LRBA: variants seen among roughly 807,000 people sequenced by gnomAD.
LRBA encodes the protein LPS responsive beige-like anchor protein.
Under a neutral mutation model 330.0 loss-of-function variants are expected in LRBA, and 176 were observed. That is an observed-to-expected ratio of 0.53 (90% CI 0.47 to 0.60). LRBA has a LOEUF of 0.60. Among genes scored for constraint, LRBA ranks in the 20% least tolerant of loss-of-function variants. The pLI is 0.00. For synonymous variants in LRBA, 1,230 were observed against 1,193.0 expected, an observed-to-expected ratio of 1.03 and a Z score of -0.64; for missense variants, 3,259 against 3,444.8, an observed-to-expected ratio of 0.95 and a Z score of 1.35.
intron 40 of LRBA, among the ~76,000 whole-genome samples, chr4:150,520,333 T>C (rs779134728): frequency 1.4e-4 from 22 of 152,184 alleles, no homozygotes; most frequent in Non-Finnish European, 2.5e-4. Context: ...GACATCTTTA[T>C]AATACTGAGT....
chr4:150,653,908 A>G (rs1197916221), intron 37 of LRBA, among the ~76,000 whole-genome samples: 1 of 152,146 alleles, frequency 6.6e-6, no homozygotes, highest in African/African-American at 2.4e-5. Flanking sequence ...TGGGAAAATT[A>G]TTAGAATTAA....
intron 48 of LRBA, among the ~76,000 whole-genome samples, chr4:150,328,489 C>T (rs1045440637): frequency 2.0e-5 from 3 of 151,928 alleles, no homozygotes; most frequent in Non-Finnish European, 2.9e-5. Flanking sequence ...TCACATGAAA[C>T]CTCAATACAT....
At position 150,588,066 on chromosome 4, in the gene LRBA, G is replaced by A; in HGVS notation, c.6312C>T (p.Phe2104=). The change falls in exon 40 of 57, where the codon TTC becomes TTT. Residue 2104 remains phenylalanine, a synonymous_variant. Coordinates refer to ENST00000651943, the MANE Select transcript of LRBA (RefSeq NM_001364905.1). Reference sequence around the variant, plus strand: ...TTCTCACCTTGGGGTCGATTTTTTTGAAGTTAGGATCCTCTTCATCCACCT... The same window carrying A: ...TTCTCACCTTGGGGTCGATTTTTTTAAAGTTAGGATCCTCTTCATCCACCT... ...YFEVDEEDPN[F]KKIDPKILAY... is the part of the protein sequence containing the mutation. The A allele has an allele frequency of 1.3e-6, 2 of 1,573,350 alleles. No homozygotes were observed. Among genetic ancestry groups the A allele is most frequent in the Non-Finnish European group, 1.7e-6 (2 of 1,156,284 alleles).
In LRBA at chr4:150,726,279, G is replaced by A. The variant is rs72738312; in HGVS notation, c.5754+8979C>T. Reference sequence around the variant, plus strand: ...CACTTCACCTATAAAGTTACACATAGACTGAAGATAAAGAGACGAAAACAG... The same window carrying A: ...CACTTCACCTATAAAGTTACACATAAACTGAAGATAAAGAGACGAAAACAG... On this transcript the variant is annotated intron_variant, in intron 36 of 56. Transcript: ENST00000651943. Among the ~76,000 whole-genome samples, 242 of 152,266 alleles carry A rather than the reference G, an allele frequency of 1.6e-3. 1 individual carries two copies. The highest frequency in any genetic ancestry group is 3.5e-3 in the Admixed American group (54 of 15,304).
chr4:150,852,487 C>T lies in LRBA; in HGVS notation c.3223G>A (p.Val1075Ile), dbSNP rs1487009342. The T allele has an allele frequency of 6.2e-7, 1 of 1,613,698 alleles. No homozygotes were observed. Among genetic ancestry groups the T allele is most frequent in the African/African-American group, 1.3e-5 (1 of 75,052 alleles). Residue 1075 changes from valine to isoleucine, a missense_variant, in exon 23 of 57, where the codon GTC (valine) becomes ATC (isoleucine). By Grantham distance (29) the Val-to-Ile change is conservative. Coordinates refer to ENST00000651943, the MANE Select transcript of LRBA (RefSeq NM_001364905.1). ...FITTGKDSMT[V>I]SEVTASISSP... is the part of the protein sequence containing the mutation. ...CTTATAGAAGCAGTTACTTCACTGA[C>T]AGTCATTGAATCTTTGCCAGTTGTT...
intron 40 of LRBA, among the ~76,000 whole-genome samples, chr4:150,523,511 A>G (rs529107652): frequency 6.6e-6 from 1 of 152,234 alleles, no homozygotes; most frequent in South Asian, 2.1e-4. Flanking sequence ...TCTGTTCTTC[A>G]TAAGTTACCC....
intron 2 of LRBA, among the ~76,000 whole-genome samples, chr4:150,990,196 G>A (rs899673217): frequency 2.6e-5 from 4 of 152,032 alleles, no homozygotes; most frequent in African/African-American, 7.2e-5. Context: ...TTGTGTGTGT[G>A]TATATATTTA....
Position 150,648,283 on chromosome 4 carries a change from G to A in LRBA, c.5921+35268C>T, listed in dbSNP as rs1779395003. Among the ~76,000 whole-genome samples, 3 of 151,526 alleles carry A rather than the reference G, an allele frequency of 2.0e-5. No homozygotes were observed. The South Asian group carries it at 6.3e-4, about 32-fold the overall frequency. ...AAATAAACAAAAATTGTAATACAGT[G>A]GTTTTGACAAAGAAGAGCTCACAAG... On this transcript the variant is annotated intron_variant, in intron 37 of 56. Coordinates refer to ENST00000651943, the MANE Select transcript of LRBA (RefSeq NM_001364905.1).
chr4:150,431,190 G>T (rs1474158228), intron 46 of LRBA, among the ~76,000 whole-genome samples: 1 of 152,134 alleles, frequency 6.6e-6, no homozygotes, highest in Non-Finnish European at 1.5e-5. Flanking sequence ...GAATTTTAAA[G>T]ATTTAAAACA....
intron 2 of LRBA, among the ~76,000 whole-genome samples, chr4:150,966,562 G>A (rs1171032608): frequency 6.8e-6 from 1 of 147,206 alleles, no homozygotes; most frequent in Admixed American, 7.0e-5. Flanking sequence ...TCCCAACCTC[G>A]TGATCCGCCC....
chr4:150,996,675 T>C (rs572650912), intron 2 of LRBA, among the ~76,000 whole-genome samples: 18 of 152,368 alleles, frequency 1.2e-4, no homozygotes, highest in African/African-American at 4.1e-4. Context: ...ACAATGTTTC[T>C]AATTATCATA....
At chr4:150,823,895 G>A (rs375212302) in intron 30 of LRBA, among the ~76,000 whole-genome samples, 1 of 151,856 alleles carries the variant, frequency 6.6e-6, no homozygotes. Context: ...TCTTTGCTCA[G>A]GATAGCTTTG....
intron 54 of LRBA, among the ~76,000 whole-genome samples, chr4:150,283,477 C>T (rs967264773): frequency 1.8e-4 from 28 of 152,266 alleles, no homozygotes; most frequent in Non-Finnish European, 2.5e-4. Flanking sequence ...AGTCAGATAA[C>T]GGGGGTCACT....
At chr4:150,472,797 T>G (rs535177430) in intron 42 of LRBA, among the ~76,000 whole-genome samples, 11 of 152,274 alleles carry the variant, frequency 7.2e-5, no homozygotes, top group African/African-American at 2.4e-4. Context: ...CTTTGAGGTT[T>G]ATCAATATGG....
chr4:150,887,507 C>T (rs1475917999), intron 17 of LRBA, among the ~76,000 whole-genome samples: 1 of 152,058 alleles, frequency 6.6e-6, no homozygotes, highest in Non-Finnish European at 1.5e-5. Context: ...GGTGTGGTGG[C>T]TCACGTCTGT....
intron 37 of LRBA, among the ~76,000 whole-genome samples, chr4:150,654,649 C>T (rs891013929): frequency 3.3e-5 from 5 of 152,098 alleles, no homozygotes; most frequent in African/African-American, 1.2e-4. Flanking sequence ...CCTATTAACT[C>T]GTCATTTAAC....
chr4:150,393,512 G>C (rs1228944883), intron 47 of LRBA, among the ~76,000 whole-genome samples: 1 of 150,828 alleles, frequency 6.6e-6, no homozygotes. Context: ...TAGAGACAGG[G>C]TCTCCCTCTG....
intron 12 of LRBA, 144 bp from the exon 13 acceptor site, chr4:150,906,134 T>C (rs1177841953): frequency 2.4e-6 from 2 of 827,896 alleles, no homozygotes; most frequent in African/African-American, 1.7e-5. Context: ...ATTTGTTTGA[T>C]AGAGGAATGG....
chr4:150,301,817 T>G (rs1303763370), intron 53 of LRBA, among the ~76,000 whole-genome samples: 3 of 152,138 alleles, frequency 2.0e-5, no homozygotes, highest in Non-Finnish European at 4.4e-5. Flanking sequence ...CTGTAAATAT[T>G]TAAGAGCAGT....
Sources: allele counts gnomAD v4.1 joint callset (sites outside exome capture counted in the v4.1 genomes callset), GRCh38; gene constraint gnomAD v4.1.1; transcripts MANE v1.5; gene names NCBI Gene and HGNC (gene_info 2026-07-23, HGNC 2026-07-21).